TRPM1: variants seen among roughly 807,000 people sequenced by gnomAD.
TRPM1 encodes transient receptor potential cation channel subfamily M member 1.
Under a neutral mutation model 149.4 loss-of-function variants are expected in TRPM1, and 113 were observed. The ratio of observed to expected loss-of-function variants is 0.76; its 90% CI spans 0.65 to 0.88. TRPM1 has a LOEUF of 0.88. TRPM1 is among the 40% of genes least tolerant of loss of function. The pLI is 0.00. For missense variants in TRPM1, 1,976 were observed against 2,038.7 expected, an observed-to-expected ratio of 0.97 and a Z score of 0.59; for synonymous variants, 741 against 759.5, an observed-to-expected ratio of 0.98 and a Z score of 0.40.
Position 31,099,268 on chromosome 15 carries a change from A to G in TRPM1, c.-84+2389T>C, listed in dbSNP as rs544189569. Among the ~76,000 whole-genome samples the G allele has an allele frequency of 2.0e-5, 3 of 152,270 alleles. No homozygotes were observed. The East Asian group carries it at 5.8e-4, about 29-fold the overall frequency. On this transcript the variant is annotated intron_variant, in intron 1 of 27. Coordinates refer to ENST00000256552, the MANE Select transcript of TRPM1 (RefSeq NM_001252024.2). ...GGCAACATGTCTCTTGCTACTGTCT[A>G]CTTAATGGAGGTTTTAAGACGTTAA...
intron 1 of TRPM1, among the ~76,000 whole-genome samples, chr15:31,144,746 G>C (rs1017052461): frequency 2.2e-4 from 28 of 125,598 alleles, no homozygotes; most frequent in African/African-American, 8.8e-4. Flanking sequence ...ACATAGTTTC[G>C]CTCTTGTTGC....
chr15:31,047,785 C>A, intron 14 of TRPM1, 104 bp downstream of exon 14: 1 of 930,600 alleles, frequency 1.1e-6, no homozygotes, highest in South Asian at 1.3e-5. Context: ...TCATTATCTC[C>A]TGTGCCTGGA....
chr15:31,136,310 C>T (rs1041429131), intron 1 of TRPM1, among the ~76,000 whole-genome samples: 3 of 152,198 alleles, frequency 2.0e-5, no homozygotes, highest in Admixed American at 6.5e-5. Flanking sequence ...GTCTCTCCCA[C>T]ACCAGCCCCT....
chr15:31,022,933 G>C (rs1187182522), intron 27 of TRPM1, among the ~76,000 whole-genome samples: 1 of 152,212 alleles, frequency 6.6e-6, no homozygotes, highest in African/African-American at 2.4e-5. Flanking sequence ...GATGCAGAAG[G>C]CTCGCTTGAG....
intron 11 of TRPM1, among the ~76,000 whole-genome samples, chr15:31,052,963 C>T (rs996081123): frequency 3.3e-5 from 5 of 152,012 alleles, no homozygotes; most frequent in Non-Finnish European, 5.9e-5. Context: ...CAAAAAATAC[C>T]ATTAACAGAG....
At chr15:31,154,377 G>C (rs1402809732) in intron 1 of TRPM1, among the ~76,000 whole-genome samples, 1 of 152,198 alleles carries the variant, frequency 6.6e-6, no homozygotes, top group African/African-American at 2.4e-5. Context: ...CTGGGGAACA[G>C]AGGAGGTTTT....
chr15:31,052,937 T>C (rs907299849), intron 11 of TRPM1, among the ~76,000 whole-genome samples: 1 of 152,148 alleles, frequency 6.6e-6, no homozygotes, highest in African/African-American at 2.4e-5. Context: ...TATGAAAATT[T>C]AAAAGTTTTG....
chr15:31,013,938 G>A (rs532513571), intron 27 of TRPM1, among the ~76,000 whole-genome samples: 143 of 152,198 alleles, frequency 9.4e-4, no homozygotes, highest in Non-Finnish European at 1.8e-3. Flanking sequence ...CTGAGAAGCT[G>A]TATGTGTATA....
chr15:31,010,609 C>T (rs1332355368), intron 27 of TRPM1, among the ~76,000 whole-genome samples: 3 of 152,050 alleles, frequency 2.0e-5, no homozygotes, highest in African/African-American at 7.2e-5. Context: ...ATTAATTTAT[C>T]ATTTTATTTT....
intron 3 of TRPM1, among the ~76,000 whole-genome samples, chr15:31,075,936 T>G (rs2034676024): frequency 6.6e-6 from 1 of 152,074 alleles, no homozygotes; most frequent in South Asian, 2.1e-4. Context: ...TCAAGGAGGC[T>G]TGTATGTGAG....
intron 1 of TRPM1, among the ~76,000 whole-genome samples, chr15:31,128,906 GC>G (rs953820368): frequency 2.0e-5 from 3 of 152,166 alleles, no homozygotes; most frequent in East Asian, 1.9e-4. Context: ...TCAGATGAAA[GC>G]CCCCCCGCTC....
At chr15:31,048,039 G>C in intron 13 of TRPM1, 100 bp from the exon 14 acceptor site, 1 of 959,478 alleles carries the variant, frequency 1.0e-6, no homozygotes, top group South Asian at 1.3e-5. Context: ...AAGGCAGGCA[G>C]ATCACTTGAG....
At chr15:31,111,982 TTAAA>T (rs765135725) in intron 1 of TRPM1, among the ~76,000 whole-genome samples, 2 of 152,194 alleles carry the variant, frequency 1.3e-5, no homozygotes, top group Non-Finnish European at 2.9e-5. Flanking sequence ...AAACTTTTGT[TTAAA>T]TAAGCACAAA....
chr15:31,097,877 C>T (rs2035426213), intron 1 of TRPM1, among the ~76,000 whole-genome samples: 1 of 152,064 alleles, frequency 6.6e-6, no homozygotes, highest in Non-Finnish European at 1.5e-5. Flanking sequence ...TTCACTGTGA[C>T]ATGAGAGCTG....
In TRPM1 at chr15:31,132,051, T is replaced by C. The variant is rs578218742; in HGVS notation, c.54+28855A>G. Among the ~76,000 whole-genome samples, 214 of 152,298 alleles carry C rather than the reference T, an allele frequency of 1.4e-3. 1 individual carries two copies. The highest frequency in any genetic ancestry group is 5.0e-3 in the African/African-American group (206 of 41,548). On this transcript the variant is annotated intron_variant, in intron 1 of 26. Coordinates refer to the TRPM1 transcript ENST00000542188. ...GCCATTAATCACATAAAAGCAGATATTGAGGAGCATTAGCCACAGCCAGCT... is the reference window on the plus strand; with the variant it reads ...GCCATTAATCACATAAAAGCAGATACTGAGGAGCATTAGCCACAGCCAGCT...
intron 22 of TRPM1, 126 bp from the exon 23 acceptor site, chr15:31,031,283 T>G: frequency 9.9e-7 from 1 of 1,012,934 alleles, no homozygotes; most frequent in South Asian, 1.4e-5. Context: ...AAAGCCTCTT[T>G]CCCTTCCTTT....
chr15:31,088,953 G>T (rs923860537), intron 1 of TRPM1, among the ~76,000 whole-genome samples: 10 of 152,190 alleles, frequency 6.6e-5, no homozygotes, highest in Non-Finnish European at 1.2e-4. Flanking sequence ...GCGCCTCTGT[G>T]AGGCAGTGGG....
At chr15:31,140,912 C>A (rs1035255160) in intron 1 of TRPM1, among the ~76,000 whole-genome samples, 2 of 152,136 alleles carry the variant, frequency 1.3e-5, no homozygotes, top group Non-Finnish European at 2.9e-5. Flanking sequence ...ACCTCCAACT[C>A]CTGGGTTCAA....
intron 1 of TRPM1, among the ~76,000 whole-genome samples, chr15:31,091,398 C>G (rs2035234719): frequency 6.6e-6 from 1 of 152,242 alleles, no homozygotes; most frequent in Admixed American, 6.5e-5. Flanking sequence ...CTGCTGGGGA[C>G]CAGCGTGCAC....
Sources: allele counts gnomAD v4.1 joint callset (sites outside exome capture counted in the v4.1 genomes callset), GRCh38; gene constraint gnomAD v4.1.1; transcripts MANE v1.5; gene names NCBI Gene and HGNC (gene_info 2026-07-23, HGNC 2026-07-21).